Variants in ACSL1 observed in about 807,000 individuals in gnomAD.
The protein encoded by ACSL1 is acyl-CoA synthetase long chain family member 1.
Under a neutral mutation model 98.4 loss-of-function variants are expected in ACSL1, and 41 were observed. The observed-to-expected ratio is 0.42, with a 90% CI of 0.32 to 0.54. ACSL1 has a LOEUF of 0.54. Among genes scored for constraint, ACSL1 ranks in the 20% least tolerant of loss-of-function variants. The pLI, the probability that ACSL1 is intolerant of heterozygous loss-of-function variation, is 0.13. For synonymous variants in ACSL1, 316 were observed against 322.7 expected (o/e 0.98, Z 0.22); for missense variants, 734 against 883.1 (o/e 0.83, Z 2.14).
chr4:184,759,411 C>T (rs1490077271), intron 18 of ACSL1, among the ~76,000 whole-genome samples: 18 of 152,104 alleles, frequency 1.2e-4, no homozygotes, highest in African/African-American at 3.4e-4. Flanking sequence ...ACCTACAGAA[C>T]GGGAGAAAAT....
intron 4 of ACSL1, among the ~76,000 whole-genome samples, chr4:184,782,259 A>G (rs2150354075): frequency 1.3e-5 from 1 of 78,938 alleles, no homozygotes. Flanking sequence ...TCGGTCATAC[A>G]TTCTTAAAAA....
intron 12 of ACSL1, among the ~76,000 whole-genome samples, chr4:184,767,764 T>G (rs1480184523): frequency 6.6e-6 from 1 of 152,238 alleles, no homozygotes; most frequent in Non-Finnish European, 1.5e-5. Context: ...TTCTGGAGAT[T>G]GCTCATGCCC....
chr4:184,803,213 A>G lies in ACSL1; in HGVS notation c.195+107T>C, dbSNP rs1770815070. The G allele has an allele frequency of 8.9e-7, 1 of 1,123,332 alleles. No individual in the cohort carries two copies. The allele number at this position is 1,123,332 out of a possible 1,614,324, so 69.6% of individuals were successfully genotyped here. On this transcript the variant is annotated intron_variant, in intron 2 of 20. Transcript: ENST00000281455. This position sits in a 1 kb window ranked among gnomAD's most constrained non-coding sequence, Gnocchi z 4.8. Reference sequence around the variant, plus strand: ...TGGCACATTTCCATTTACAAAGTGCAGTTATAAACAAATATTTGATCTTGA... The same window carrying G: ...TGGCACATTTCCATTTACAAAGTGCGGTTATAAACAAATATTTGATCTTGA...
intron 2 of ACSL1, among the ~76,000 whole-genome samples, chr4:184,800,137 C>A (rs1352979470): frequency 6.6e-6 from 1 of 152,172 alleles, no homozygotes; most frequent in Non-Finnish European, 1.5e-5. Flanking sequence ...TTGCTGCATA[C>A]TTATTGTGGG....
At chr4:184,767,764 T>C (rs1480184523) in intron 12 of ACSL1, among the ~76,000 whole-genome samples, 1 of 152,238 alleles carries the variant, frequency 6.6e-6, no homozygotes, top group Non-Finnish European at 1.5e-5. Flanking sequence ...TTCTGGAGAT[T>C]GCTCATGCCC....
chr4:184,768,229 G>C, intron 12 of ACSL1, 87 bp downstream of exon 12: 1 of 1,406,426 alleles, frequency 7.1e-7, no homozygotes, highest in Non-Finnish European at 9.6e-7. Context: ...GGGTCATACA[G>C]ATGGCACATG....
intron 4 of ACSL1, among the ~76,000 whole-genome samples, chr4:184,783,256 G>A (rs937455700): frequency 9.2e-5 from 14 of 152,310 alleles, no homozygotes; most frequent in South Asian, 6.2e-4. Context: ...AGCTGTAGCC[G>A]TTGATGGGTG....
At chr4:184,789,956 A>G (rs1219459754) in intron 2 of ACSL1, among the ~76,000 whole-genome samples, 2 of 151,318 alleles carry the variant, frequency 1.3e-5, no homozygotes, top group Non-Finnish European at 2.9e-5. Context: ...GAGAAATTAG[A>G]CTGTGATATG....
At position 184,757,393 on chromosome 4, in the gene ACSL1, C is replaced by A; in HGVS notation, c.1957-128G>T. The A allele has an allele frequency of 8.0e-7, 1 of 1,242,342 alleles. No individual in the cohort carries two copies. The highest frequency in any genetic ancestry group is 1.1e-6 in the Non-Finnish European group (1 of 907,412). The allele number at this position is 1,242,342 out of a possible 1,614,324, so 77.0% of individuals were successfully genotyped here. On this transcript the variant is annotated intron_variant, in intron 20 of 20. Coordinates refer to ENST00000281455, the MANE Select transcript of ACSL1 (RefSeq NM_001995.5). The surrounding 1 kb of genome is among the most constrained non-coding windows in gnomAD (Gnocchi z 4.5). ...CCATCCTCTCATTTCAGCCAAGCTG[C>A]ACCTTCTCAACAAAGGACAGGCATC...
In ACSL1 at chr4:184,783,981, A is replaced by T. The variant is rs1766771839; in HGVS notation, c.321T>A (p.Pro107=). The change falls in exon 4 of 21, where the codon CCT becomes CCA. Residue 107 remains proline (P), a synonymous_variant. Coordinates refer to ENST00000281455, the MANE Select transcript of ACSL1 (RefSeq NM_001995.5). ...GGTCTGGTTTCCGAGAGCCTAAACAAGGGCCATTATCTAAAAAAAGAGAAA... is the reference window on the plus strand; with the variant it reads ...GGTCTGGTTTCCGAGAGCCTAAACATGGGCCATTATCTAAAAAAAGAGAAA... ...QRGIQVSNNG[P]CLGSRKPDQP... 3 of 1,613,534 alleles carry T rather than the reference A, an allele frequency of 1.9e-6. No homozygotes were observed. The highest frequency in any genetic ancestry group is 1.7e-6 in the Non-Finnish European group (2 of 1,179,644).
Position 184,766,853 on chromosome 4 carries a change from C to G in ACSL1, c.1129-97G>C, listed in dbSNP as rs1763688566. 1 of 1,329,262 alleles carries G rather than the reference C, an allele frequency of 7.5e-7. No homozygotes were observed. Among genetic ancestry groups the G allele is most frequent in the Non-Finnish European group, 1.0e-6 (1 of 977,730 alleles). 82.3% of individuals were successfully genotyped at this position (1,329,262 alleles called of 1,614,324 possible). On this transcript the variant is annotated intron_variant, in intron 12 of 20. Coordinates refer to ENST00000281455, the MANE Select transcript of ACSL1 (RefSeq NM_001995.5). This position sits in a 1 kb window ranked among gnomAD's most constrained non-coding sequence, Gnocchi z 4.8. ...AGAACCCTCACACACAGCTGGGGAACACAAAATGGCACAGCTGCTCTGACA... is the reference window on the plus strand; with the variant it reads ...AGAACCCTCACACACAGCTGGGGAAGACAAAATGGCACAGCTGCTCTGACA...
At position 184,757,455 on chromosome 4, in the gene ACSL1, A is replaced by G. The variant is rs2150249906; in HGVS notation, c.1956+180T>C. Among the ~76,000 whole-genome samples the G allele has an allele frequency of 6.6e-6, 1 of 152,352 alleles. No homozygotes were observed. Among genetic ancestry groups the G allele is most frequent in the Non-Finnish European group, 1.5e-5 (1 of 68,034 alleles). ...ATAGGATTCGGGATCATATTCTGAT[A>G]TCCAGGAAAAGAGAATAAATGCTTT... is the stretch of plus-strand genomic sequence containing the variant. On this transcript the variant is annotated intron_variant, in intron 20 of 20. Transcript: ENST00000281455. The surrounding 1 kb of genome is among the most constrained non-coding windows in gnomAD (Gnocchi z 4.5).
In ACSL1 at chr4:184,766,019, G is replaced by T. The variant is rs530798200; in HGVS notation, c.1264-33C>A. On this transcript the variant is annotated intron_variant, in intron 13 of 20. Coordinates refer to ENST00000281455, the MANE Select transcript of ACSL1 (RefSeq NM_001995.5). This position sits in a 1 kb window ranked among gnomAD's most constrained non-coding sequence, Gnocchi z 4.8. The stretch of plus-strand genomic sequence containing the variant: ...GGAGGGAGAGTGGGAGAAGGTGAGG[G>T]TTACACACCTGGAAGTCGGCGGCCT... 1.6e-5 allele frequency: 25 copies of T among 1,603,616 alleles called. No individual in the cohort carries two copies. The highest frequency in any genetic ancestry group is 2.1e-5 in the Non-Finnish European group (25 of 1,171,858).
Position 184,773,219 on chromosome 4 carries a change from C to G in ACSL1, c.842-65G>C. 1 of 1,456,582 alleles carries G rather than the reference C, an allele frequency of 6.9e-7. No individual in the cohort carries two copies. Among genetic ancestry groups the G allele is most frequent in the South Asian group, 1.2e-5 (1 of 86,620 alleles). The allele number at this position is 1,456,582 out of a possible 1,614,324, so 90.2% of individuals were successfully genotyped here. On this transcript the variant is annotated intron_variant, in intron 9 of 20. Transcript: ENST00000281455. This position sits in a 1 kb window ranked among gnomAD's most constrained non-coding sequence, Gnocchi z 4.3. ...ACAGAAATGAAGGAGGCCCAGAAACCTCACATAATTAGGGCTTCAGACACC... is the reference window on the plus strand; with the variant it reads ...ACAGAAATGAAGGAGGCCCAGAAACGTCACATAATTAGGGCTTCAGACACC...
chr4:184,766,821 A>G lies in ACSL1; in HGVS notation c.1129-65T>C. On this transcript the variant is annotated intron_variant, in intron 12 of 20. Coordinates refer to ENST00000281455, the MANE Select transcript of ACSL1 (RefSeq NM_001995.5). The surrounding 1 kb of genome is among the most constrained non-coding windows in gnomAD (Gnocchi z 4.8). ...GGATGGCCAGAGTCAAAGAGTGTGGAGAAATCAGAACCCTCACACACAGCT... is the reference window on the plus strand; with the variant it reads ...GGATGGCCAGAGTCAAAGAGTGTGGGGAAATCAGAACCCTCACACACAGCT... The G allele has an allele frequency of 6.5e-7, 1 of 1,530,054 alleles. No homozygotes were observed. 94.8% of individuals were successfully genotyped at this position (1,530,054 alleles called of 1,614,324 possible).
intron 11 of ACSL1, among the ~76,000 whole-genome samples, chr4:184,769,396 A>G (rs1050213341): frequency 6.6e-6 from 1 of 152,222 alleles, no homozygotes; most frequent in African/African-American, 2.4e-5. Context: ...AAGATGACAC[A>G]AGGGAAGTAC....
At chr4:184,784,997 T>C (rs7661585) in intron 3 of ACSL1, among the ~76,000 whole-genome samples, 40,861 of 151,956 alleles carry the variant, frequency 0.27, 5,699 homozygotes, top group Middle Eastern at 0.35. Flanking sequence ...TATGAAATGA[T>C]GCGATTTTAT....
intron 2 of ACSL1, among the ~76,000 whole-genome samples, chr4:184,798,041 A>T (rs941251988): frequency 6.6e-6 from 1 of 152,210 alleles, no homozygotes; most frequent in Admixed American, 6.5e-5. Flanking sequence ...GCCACCGGCC[A>T]GCATGTGACC....
At chr4:184,781,031 T>C (rs1766165502) in intron 4 of ACSL1, among the ~76,000 whole-genome samples, 1 of 151,822 alleles carries the variant, frequency 6.6e-6, no homozygotes, top group South Asian at 2.1e-4. Flanking sequence ...TTGAGGGAGT[T>C]CGAGGCCAGC....
Sources: allele counts gnomAD v4.1 joint callset (sites outside exome capture counted in the v4.1 genomes callset), GRCh38; gene constraint gnomAD v4.1.1; non-coding constraint Gnocchi (gnomAD v3.1); transcripts MANE v1.5; gene names NCBI Gene and HGNC (gene_info 2026-07-23, HGNC 2026-07-21).